The following HIVEP3 variants were observed in gnomAD, a reference collection of about 807,000 sequenced individuals.
HIVEP3 encodes the protein HIVEP zinc finger 3.
Under a neutral mutation model 152.8 loss-of-function variants are expected in HIVEP3, and 49 were observed. The ratio of observed to expected loss-of-function variants is 0.32; its 90% CI spans 0.26 to 0.41. The LOEUF (loss-of-function observed/expected upper bound fraction) is 0.41, where lower values mean the gene tolerates loss of function less well. HIVEP3 is among the 10% of genes least tolerant of loss of function. The pLI, the probability that HIVEP3 is intolerant of heterozygous loss-of-function variation, is 1.00. For missense variants in HIVEP3, 2,790 were observed against 3,103.3 expected, an observed-to-expected ratio of 0.90 and a Z score of 2.40; for synonymous variants, 1,269 against 1,289.0, an observed-to-expected ratio of 0.98 and a Z score of 0.33.
intron 1 of HIVEP3, among the ~76,000 whole-genome samples, chr1:41,894,490 T>C (rs887541765): frequency 6.6e-6 from 1 of 152,208 alleles, no homozygotes; most frequent in Non-Finnish European, 1.5e-5. Flanking sequence ...ATGTTAACCT[T>C]ATACTGTTTA....
At chr1:41,798,040 C>CA (rs1183638396) in intron 1 of HIVEP3, among the ~76,000 whole-genome samples, 2 of 151,846 alleles carry the variant, frequency 1.3e-5, no homozygotes, top group Non-Finnish European at 2.9e-5. Context: ...TATTACAGGA[C>CA]AAAAAACCAA....
intron 1 of HIVEP3, among the ~76,000 whole-genome samples, chr1:41,929,073 T>A (rs1424076620): frequency 6.6e-6 from 1 of 152,178 alleles, no homozygotes; most frequent in African/African-American, 2.4e-5. Flanking sequence ...ACACCATGTT[T>A]CTCAAACTTA....
At chr1:41,908,412 C>T (rs879435162) in intron 1 of HIVEP3, among the ~76,000 whole-genome samples, 5 of 152,186 alleles carry the variant, frequency 3.3e-5, no homozygotes, top group Non-Finnish European at 5.9e-5. Context: ...CCCTACCCAA[C>T]CCACTAGCAC....
intron 1 of HIVEP3, among the ~76,000 whole-genome samples, chr1:41,936,989 TA>T (rs1219251940): frequency 6.6e-6 from 1 of 152,192 alleles, no homozygotes; most frequent in Non-Finnish European, 1.5e-5. Context: ...TATTCTTCAT[TA>T]AAATCATAAA....
At chr1:42,011,173 G>A (rs1377696390) in intron 1 of HIVEP3, among the ~76,000 whole-genome samples, 1 of 152,124 alleles carries the variant, frequency 6.6e-6, no homozygotes, top group Non-Finnish European at 1.5e-5. Context: ...GGAGGCAAAC[G>A]AATGTACTTA....
intron 5 of HIVEP3, among the ~76,000 whole-genome samples, chr1:41,574,788 C>G (rs988938656): frequency 6.6e-6 from 1 of 152,168 alleles, no homozygotes; most frequent in African/African-American, 2.4e-5. Context: ...AGACAGAACG[C>G]CATGGGACCT....
At chr1:41,859,451 C>A (rs10493096) in intron 1 of HIVEP3, among the ~76,000 whole-genome samples, 30,811 of 152,052 alleles carry the variant, frequency 0.2, 3,338 homozygotes, top group African/African-American at 0.28. Context: ...ATTCTACATA[C>A]CGCTTAGTAC....
At chr1:41,730,196 C>G (rs748282832) in intron 1 of HIVEP3, among the ~76,000 whole-genome samples, 9 of 152,178 alleles carry the variant, frequency 5.9e-5, no homozygotes, top group Non-Finnish European at 8.8e-5. Context: ...AGGCCTCACC[C>G]CAGGCTCTAG....
intron 1 of HIVEP3, among the ~76,000 whole-genome samples, chr1:41,962,753 A>AATTTTC (rs1296628683): frequency 2.6e-5 from 4 of 152,264 alleles, no homozygotes; most frequent in Non-Finnish European, 4.4e-5. Flanking sequence ...TTCTGAAAGA[A>AATTTTC]AGATGTACTA....
chr1:41,668,753 C>T (rs1645832166), intron 2 of HIVEP3, among the ~76,000 whole-genome samples: 1 of 152,212 alleles, frequency 6.6e-6, no homozygotes, highest in African/African-American at 2.4e-5. Flanking sequence ...GACTTCCACT[C>T]TCAGCAGAAT....
At chr1:41,654,339 C>G (rs1203937199) in intron 2 of HIVEP3, among the ~76,000 whole-genome samples, 1 of 102,540 alleles carries the variant, frequency 9.8e-6, no homozygotes, top group Non-Finnish European at 2.1e-5. Flanking sequence ...ACAGGCAACT[C>G]AGGATAGTTG....
chr1:41,727,847 C>A (rs1036956402), intron 1 of HIVEP3, among the ~76,000 whole-genome samples: 2 of 152,196 alleles, frequency 1.3e-5, no homozygotes, highest in African/African-American at 4.8e-5. Flanking sequence ...TCTCTAGTAC[C>A]CAGTTTCCTA....
chr1:41,936,133 T>C (rs191380650), intron 1 of HIVEP3, among the ~76,000 whole-genome samples: 2 of 152,222 alleles, frequency 1.3e-5, no homozygotes, highest in East Asian at 3.9e-4. Flanking sequence ...CAAGGGTAAA[T>C]GTAAATCACC....
chr1:41,544,828 C>CTG (rs1558046145), intron 5 of HIVEP3, among the ~76,000 whole-genome samples: 5 of 87,756 alleles, frequency 5.7e-5, no homozygotes, highest in South Asian at 3.9e-4. Context: ...TCTACCACCA[C>CTG]CATCACCACC....
intron 5 of HIVEP3, among the ~76,000 whole-genome samples, chr1:41,544,809 A>ACCACCACCACCACTACCACCT (rs1643650953): frequency 7.2e-6 from 1 of 138,146 alleles, no homozygotes; most frequent in African/African-American, 2.8e-5. Flanking sequence ...CACCACCACC[A>ACCACCACCACCACTACCACCT]CTACCACCTC....
chr1:41,721,363 G>A (rs552285822), intron 1 of HIVEP3, among the ~76,000 whole-genome samples: 7 of 152,054 alleles, frequency 4.6e-5, no homozygotes, highest in Non-Finnish European at 8.8e-5. Flanking sequence ...ATGCCACCGC[G>A]CTCGACTAAT....
rs541632990 is a variant in HIVEP3 at position 41,835,291 on chromosome 1, G to T, written c.-801+83122C>A. Among the ~76,000 whole-genome samples, 12 of 152,248 alleles carry T rather than the reference G, an allele frequency of 7.9e-5. No individual in the cohort carries two copies. The Middle Eastern group carries it at 0.017, about 216-fold the overall frequency. On this transcript the variant is annotated intron_variant, in intron 1 of 8. Coordinates refer to ENST00000372583, the MANE Select transcript of HIVEP3 (RefSeq NM_024503.5). Reference sequence around the variant, plus strand: ...TGGAGGCTACAAGTCCAAGATCAAAGTCCCAGCCAATTAGGTTTCTGGTGA... The same window carrying T: ...TGGAGGCTACAAGTCCAAGATCAAATTCCCAGCCAATTAGGTTTCTGGTGA...
Position 41,627,279 on chromosome 1 carries a change from C to T in HIVEP3, c.-522+1470G>A, listed in dbSNP as rs1254755096. Among the ~76,000 whole-genome samples the T allele has an allele frequency of 2.0e-5, 3 of 152,200 alleles. No homozygotes were observed. The East Asian group carries it at 5.8e-4, about 29-fold the overall frequency. On this transcript the variant is annotated intron_variant, in intron 3 of 8. Coordinates refer to ENST00000372583, the MANE Select transcript of HIVEP3 (RefSeq NM_024503.5). ...CCTGCGAGGCAGGTATCACTACCAGCCTCATTTTGCAAGTGAGAAGGATGA... is the reference window on the plus strand; with the variant it reads ...CCTGCGAGGCAGGTATCACTACCAGTCTCATTTTGCAAGTGAGAAGGATGA...
At chr1:42,005,451 C>G (rs1645453913) in intron 1 of HIVEP3, among the ~76,000 whole-genome samples, 1 of 151,878 alleles carries the variant, frequency 6.6e-6, no homozygotes, top group African/African-American at 2.4e-5. Context: ...TATATCTACA[C>G]AGATATATAT....
Sources: allele counts gnomAD v4.1 joint callset (sites outside exome capture counted in the v4.1 genomes callset), GRCh38; gene constraint gnomAD v4.1.1; transcripts MANE v1.5; gene names NCBI Gene and HGNC (gene_info 2026-07-23, HGNC 2026-07-21).